PPARGC1A: variants seen among roughly 807,000 people sequenced by gnomAD.
The protein encoded by PPARGC1A is PPARG coactivator 1 alpha, also known as peroxisome proliferator-activated receptor gamma coactivator 1-alpha.
In PPARGC1A, 25 loss-of-function variants were observed where a neutral mutation model predicts 88.7. That is an observed-to-expected ratio of 0.28 (90% CI 0.21 to 0.39). The LOEUF (loss-of-function observed/expected upper bound fraction) is 0.39. PPARGC1A is among the 10% of genes least tolerant of loss of function. The pLI is 1.00. For missense variants in PPARGC1A, 880 were observed against 968.7 expected (o/e 0.91, Z 1.22); for synonymous variants, 363 against 355.6 (o/e 1.02, Z -0.24).
chr4:23,963,162 C>T, the PPARGC1A span, among the ~76,000 whole-genome samples: 1 of 152,072 alleles, frequency 6.6e-6, no homozygotes, highest in East Asian at 1.9e-4. Context: ...AAAACACAGG[C>T]TAAAGAAATG....
chr4:24,153,264 A>T, the PPARGC1A span, among the ~76,000 whole-genome samples: 1 of 152,300 alleles, frequency 6.6e-6, no homozygotes, highest in Non-Finnish European at 1.5e-5. Flanking sequence ...TTGAATTTGC[A>T]CCAAACACTG....
the PPARGC1A span, among the ~76,000 whole-genome samples, chr4:24,260,210 G>A: frequency 8.5e-5 from 13 of 152,200 alleles, no homozygotes; most frequent in African/African-American, 2.7e-4. Flanking sequence ...TAGGAATGCC[G>A]GAGGCAAGAA....
chr4:24,288,517 A>T, the PPARGC1A span, among the ~76,000 whole-genome samples: 3 of 152,362 alleles, frequency 2.0e-5, no homozygotes, highest in South Asian at 6.2e-4. Context: ...AGCTATTTCC[A>T]ATACAAATAT....
the PPARGC1A span, among the ~76,000 whole-genome samples, chr4:24,471,174 TC>T: frequency 1.5e-4 from 23 of 150,476 alleles, no homozygotes; most frequent in Non-Finnish European, 1.5e-5. This position sits in a 1 kb window ranked among gnomAD's most constrained non-coding sequence, Gnocchi z 5.4. Context: ...GCGGGCCAGC[TC>T]CCCCCGCGGT....
chr4:24,008,217 G>T, the PPARGC1A span, among the ~76,000 whole-genome samples: 2 of 152,138 alleles, frequency 1.3e-5, no homozygotes, highest in Non-Finnish European at 2.9e-5. Flanking sequence ...TCAACCTATT[G>T]TACCCCTGGC....
intron 10 of PPARGC1A, among the ~76,000 whole-genome samples, chr4:23,808,073 A>T (rs1720175709): frequency 6.6e-6 from 1 of 151,970 alleles, no homozygotes; most frequent in South Asian, 2.1e-4. Context: ...AACACGGTGA[A>T]ACCCCGTCTC....
the PPARGC1A span, among the ~76,000 whole-genome samples, chr4:24,006,021 T>C: frequency 1.3e-5 from 2 of 151,984 alleles, no homozygotes; most frequent in Non-Finnish European, 2.9e-5. Flanking sequence ...GGGTTTTGTT[T>C]TTGGTTTTGT....
chr4:23,998,008 CA>C, the PPARGC1A span, among the ~76,000 whole-genome samples: 5 of 152,136 alleles, frequency 3.3e-5, no homozygotes, highest in African/African-American at 1.2e-4. Flanking sequence ...GAACTGAAGC[CA>C]TAATTGTCTA....
At chr4:24,182,054 T>C in the PPARGC1A span, among the ~76,000 whole-genome samples, 2 of 152,236 alleles carry the variant, frequency 1.3e-5, no homozygotes, top group South Asian at 2.1e-4. Flanking sequence ...CATAGGTATA[T>C]ATGTGCCATG....
At chr4:24,040,549 C>A in the PPARGC1A span, among the ~76,000 whole-genome samples, 3 of 152,048 alleles carry the variant, frequency 2.0e-5, no homozygotes, top group Non-Finnish European at 4.4e-5. Flanking sequence ...CGGATATTGA[C>A]TTCCTTCCAA....
the PPARGC1A span, among the ~76,000 whole-genome samples, chr4:23,936,855 G>C: frequency 5.9e-5 from 9 of 152,104 alleles, no homozygotes; most frequent in Non-Finnish European, 1.3e-4. Flanking sequence ...TGGTGACAGA[G>C]TGACTCCATC....
chr4:23,870,337 A>G (rs943745948), intron 2 of PPARGC1A, among the ~76,000 whole-genome samples: 14 of 152,220 alleles, frequency 9.2e-5, no homozygotes, highest in Non-Finnish European at 2.9e-5. Flanking sequence ...TTTTGGTAGC[A>G]CTGTCTGGTA....
At chr4:24,438,931 A>AT in the PPARGC1A span, among the ~76,000 whole-genome samples, 1 of 152,132 alleles carries the variant, frequency 6.6e-6, no homozygotes, top group Non-Finnish European at 1.5e-5. Context: ...TTAATTTATC[A>AT]TATAATGGAA....
the PPARGC1A span, among the ~76,000 whole-genome samples, chr4:24,110,718 A>G: frequency 1.3e-5 from 2 of 152,234 alleles, no homozygotes; most frequent in Non-Finnish European, 2.9e-5. Context: ...CTTGACAGGC[A>G]CATTAAACAT....
At chr4:24,016,099 G>GTT in the PPARGC1A span, among the ~76,000 whole-genome samples, 2 of 152,194 alleles carry the variant, frequency 1.3e-5, no homozygotes, top group African/African-American at 4.8e-5. Flanking sequence ...AAGCCAAAAT[G>GTT]TCAGAATTCC....
chr4:24,397,337 C>T, the PPARGC1A span, among the ~76,000 whole-genome samples: 1 of 152,152 alleles, frequency 6.6e-6, no homozygotes, highest in East Asian at 1.9e-4. Context: ...CACTGAGATG[C>T]AAACATGAGG....
At chr4:24,035,726 T>C in the PPARGC1A span, among the ~76,000 whole-genome samples, 1 of 152,116 alleles carries the variant, frequency 6.6e-6, no homozygotes, top group Non-Finnish European at 1.5e-5. Context: ...TTGGGAGTTA[T>C]AGATTTATTT....
chr4:23,942,158 C>A, the PPARGC1A span, among the ~76,000 whole-genome samples: 3 of 152,180 alleles, frequency 2.0e-5, no homozygotes, highest in South Asian at 6.2e-4. Context: ...CACATTTCAC[C>A]TCTTGGCAGC....
chr4:24,316,428 G>A, the PPARGC1A span, among the ~76,000 whole-genome samples: 1 of 152,172 alleles, frequency 6.6e-6, no homozygotes, highest in Non-Finnish European at 1.5e-5. Flanking sequence ...TTTGTTATTC[G>A]ATAACCTGCA....
Sources: allele counts gnomAD v4.1 joint callset (sites outside exome capture counted in the v4.1 genomes callset), GRCh38; gene constraint gnomAD v4.1.1; non-coding constraint Gnocchi (gnomAD v3.1); transcripts MANE v1.5; gene names NCBI Gene and HGNC (gene_info 2026-07-23, HGNC 2026-07-21).